Variants in DUS2 observed in about 807,000 individuals in gnomAD.
The protein encoded by DUS2 is tRNA-dihydrouridine(20) synthase [NAD(P)+]-like.
Under a neutral mutation model 71.3 loss-of-function variants are expected in DUS2, and 52 were observed. That is an observed-to-expected ratio of 0.73 (90% confidence interval 0.58 to 0.92). DUS2 has a LOEUF of 0.92. Among genes scored for constraint, DUS2 ranks in the 40% least tolerant of loss-of-function variants. The pLI, the probability that DUS2 is intolerant of heterozygous loss-of-function variation, is 0.00. For synonymous variants in DUS2, 204 were observed against 227.8 expected (o/e 0.90, Z 0.94); for missense variants, 558 against 622.6 (o/e 0.90, Z 1.10).
intron 3 of DUS2, among the ~76,000 whole-genome samples, chr16:68,040,864 A>G (rs2033616760): frequency 6.6e-6 from 1 of 152,010 alleles, no homozygotes; most frequent in Admixed American, 6.6e-5. Flanking sequence ...CATCTGTGGG[A>G]TTAGATAATC....
At chr16:68,040,516 C>T (rs80346622) in intron 3 of DUS2, among the ~76,000 whole-genome samples, 19,432 of 152,178 alleles carry the variant, frequency 0.13, 1,341 homozygotes, top group South Asian at 0.2. Context: ...CAGGGTCCTG[C>T]TCCTGTATGG....
chr16:68,064,409 AAC>A (rs1462176929), intron 8 of DUS2, among the ~76,000 whole-genome samples: 1 of 152,222 alleles, frequency 6.6e-6, no homozygotes, highest in Non-Finnish European at 1.5e-5. Context: ...ACACACATGA[AAC>A]ACACAGAAAT....
intron 5 of DUS2, 36 bp from the exon 6 acceptor site, chr16:68,054,538 C>G: frequency 1.9e-6 from 3 of 1,613,420 alleles, no homozygotes; most frequent in Non-Finnish European, 2.5e-6. Flanking sequence ...GTATCTGTGT[C>G]AGGGCAGTGG....
intron 15 of DUS2, among the ~76,000 whole-genome samples, chr16:68,076,995 G>A (rs1168422283): frequency 6.6e-6 from 1 of 151,314 alleles, no homozygotes; most frequent in Non-Finnish European, 1.5e-5. Flanking sequence ...GGTGGCTCAT[G>A]CCTGTAATCC....
intron 2 of DUS2, among the ~76,000 whole-genome samples, chr16:68,029,415 A>G (rs1412530803): frequency 1.3e-5 from 2 of 151,906 alleles, no homozygotes; most frequent in African/African-American, 4.8e-5. Context: ...TGTTAGGATT[A>G]CAGGTGTGAG....
chr16:68,075,582 G>C lies in DUS2; in HGVS notation c.1082+78G>C, dbSNP rs1239693249. 17 of 1,409,918 alleles carry C rather than the reference G, an allele frequency of 1.2e-5. No individual in the cohort carries two copies. The South Asian group carries it at 1.9e-4, about 16-fold the overall frequency. The allele number at this position is 1,409,918 out of a possible 1,614,324, so 87.3% of individuals were successfully genotyped here. The stretch of plus-strand genomic sequence containing the variant: ...CCACTGGGCCAGCACACTGGCTGCT[G>C]TATGTGCTTAATGTCAAACGTAGGG... On this transcript the variant is annotated intron_variant, in intron 14 of 16. Transcript: ENST00000565263.
chr16:68,066,725 GCCA>G, intron 10 of DUS2, 89 bp downstream of exon 10: 3 of 1,335,272 alleles, frequency 2.2e-6, no homozygotes, highest in Non-Finnish European at 3.2e-6. Context: ...CCAAGTGACA[GCCA>G]ATTTCTCTTC....
At chr16:68,047,447 TAAC>T (rs1337634934) in intron 3 of DUS2, among the ~76,000 whole-genome samples, 1 of 152,124 alleles carries the variant, frequency 6.6e-6, no homozygotes, top group Non-Finnish European at 1.5e-5. Flanking sequence ...TATTTTCAAA[TAAC>T]AAAGTTTTTG....
chr16:68,034,150 C>T (rs1425197947), intron 2 of DUS2, among the ~76,000 whole-genome samples: 1 of 152,130 alleles, frequency 6.6e-6, no homozygotes, highest in Non-Finnish European at 1.5e-5. Context: ...AGCTCGGCAA[C>T]CTCTGCCTCC....
intron 4 of DUS2, 103 bp from the exon 5 acceptor site, chr16:68,053,461 C>A: frequency 1.9e-6 from 2 of 1,046,794 alleles, no homozygotes; most frequent in Non-Finnish European, 2.9e-6. Flanking sequence ...GGATCTCTTT[C>A]CCCTTGAAGC....
At chr16:68,030,504 T>C (rs1250764080) in intron 2 of DUS2, among the ~76,000 whole-genome samples, 2 of 151,970 alleles carry the variant, frequency 1.3e-5, no homozygotes, top group African/African-American at 2.4e-5. Context: ...GGCAGGAGAA[T>C]TGCTCGAACC....
At chr16:68,063,780 G>C (rs2033971432) in intron 8 of DUS2, among the ~76,000 whole-genome samples, 1 of 152,104 alleles carries the variant, frequency 6.6e-6, no homozygotes, top group Non-Finnish European at 1.5e-5. Context: ...CTGGAGTGCA[G>C]TGGTGCGATC....
chr16:68,035,889 TATATATA>T (rs1567470055), intron 2 of DUS2, among the ~76,000 whole-genome samples: 2 of 2,112 alleles, frequency 9.5e-4, no homozygotes, highest in African/African-American at 1.0e-3. Context: ...TAATTTTATA[TATATATA>T]TATATATATA....
intron 3 of DUS2, 77 bp from the exon 4 acceptor site, chr16:68,049,428 T>G (rs575000677): frequency 1.4e-6 from 2 of 1,476,564 alleles, no homozygotes; most frequent in South Asian, 1.1e-5. Flanking sequence ...CGATCCTCAT[T>G]AGGTGTGTGA....
intron 2 of DUS2, among the ~76,000 whole-genome samples, chr16:68,034,780 G>A (rs1452066087): frequency 6.6e-6 from 1 of 151,994 alleles, no homozygotes; most frequent in Non-Finnish European, 1.5e-5. Context: ...GGCGGATCAC[G>A]AGGTCAGGAG....
Position 68,049,442 on chromosome 16 carries a change from A to G in DUS2, c.127-63A>G, listed in dbSNP as rs1471859863. On this transcript the variant is annotated intron_variant, in intron 3 of 16. Transcript: ENST00000565263. ...GCGATCCTCATTAGGTGTGTGATGAAAATCCTTCATGCCCAGAGCCTACAT... is the reference window on the plus strand; with the variant it reads ...GCGATCCTCATTAGGTGTGTGATGAGAATCCTTCATGCCCAGAGCCTACAT... 3 of 1,571,826 alleles carry G rather than the reference A, an allele frequency of 1.9e-6. No homozygotes were observed. In the African/African-American group the frequency reaches 4.1e-5, roughly 21 times the overall value.
intron 2 of DUS2, among the ~76,000 whole-genome samples, chr16:68,035,321 C>G (rs939539933): frequency 3.3e-5 from 5 of 152,002 alleles, no homozygotes; most frequent in African/African-American, 1.2e-4. Context: ...CTACAAGGCT[C>G]TACATGATCT....
intron 3 of DUS2, among the ~76,000 whole-genome samples, chr16:68,042,660 C>T (rs988355312): frequency 1.3e-5 from 2 of 151,812 alleles, no homozygotes; most frequent in Admixed American, 6.6e-5. Context: ...CAGGCTTATG[C>T]CACCACACCT....
chr16:68,068,752 C>CT (rs1160464857), intron 10 of DUS2, among the ~76,000 whole-genome samples: 1,251 of 112,068 alleles, frequency 0.011, 20 homozygotes, highest in South Asian at 0.045. Context: ...CCATGCCTGG[C>CT]TTTTTTTTTT....
Sources: gnomAD v4.1 joint callset for allele counts (sites outside exome capture counted in the v4.1 genomes callset) on GRCh38, gnomAD v4.1.1 for gene constraint, MANE v1.5 for transcripts, NCBI Gene and HGNC (gene_info 2026-07-23, HGNC 2026-07-21) for gene names.